Variants in ARHGEF28 observed in about 807,000 individuals in gnomAD.
ARHGEF28 encodes the protein Rho guanine nucleotide exchange factor 28.
A neutral mutation model predicts 206.6 loss-of-function variants in ARHGEF28; 152 were observed. The ratio of observed to expected loss-of-function variants is 0.74; its 90% CI spans 0.64 to 0.84. The LOEUF (loss-of-function observed/expected upper bound fraction) is 0.84. ARHGEF28 is among the 40% of genes least tolerant of loss of function. The probability of loss-of-function intolerance (pLI) is 0.00; values close to 1 mark genes in which losing one functional copy is unlikely to be tolerated. For synonymous variants in ARHGEF28, 763 were observed against 776.4 expected (o/e 0.98, Z 0.29); for missense variants, 2,028 against 2,073.2 (o/e 0.98, Z 0.42).
At chr5:73,852,135 C>A (rs1284545754) in intron 13 of ARHGEF28, among the ~76,000 whole-genome samples, 1 of 152,168 alleles carries the variant, frequency 6.6e-6, no homozygotes, top group South Asian at 2.1e-4. Context: ...AATGGTCCTC[C>A]CTTTCCCATG....
chr5:73,675,848 CATTTTCTAACTATGTAGTCTTATGCA>C (rs377411899), intron 1 of ARHGEF28, among the ~76,000 whole-genome samples: 27,285 of 151,120 alleles, frequency 0.18, 2,866 homozygotes, highest in Non-Finnish European at 0.24. Flanking sequence ...ATTTGAACAC[CATTTTCTAACTATGTAGTCTTATGCA>C]ATTTTCTAAC....
rs1009778839 is a variant in ARHGEF28, at chr5:73,813,812, T to C, written c.1024+18421T>C. 58 of 830,714 alleles carry C rather than the reference T, an allele frequency of 7.0e-5. No individual in the cohort carries two copies. In the African/African-American group the frequency reaches 8.3e-4, roughly 12 times the overall value. 51.5% of individuals were successfully genotyped at this position (830,714 alleles called of 1,614,324 possible). On this transcript the variant is annotated intron_variant, in intron 9 of 35. Transcript: ENST00000513042. ...CTTTATAAAACACTCACTGTACAGA[T>C]ACATATAGGTTTCTGAGGCAAACCT...
chr5:73,857,566 CACACACACACACACACACACAT>C, intron 14 of ARHGEF28, 68 bp from the exon 15 acceptor site: 3 of 173,136 alleles, frequency 1.7e-5, no homozygotes, highest in Non-Finnish European at 2.7e-5. Flanking sequence ...TATATGTGTA[CACACACACACACACACACACAT>C]ACACACACAC....
chr5:73,787,409 T>A (rs7707234), intron 7 of ARHGEF28, among the ~76,000 whole-genome samples: 9,511 of 152,278 alleles, frequency 0.062, 487 homozygotes, highest in African/African-American at 0.14. Context: ...ATCATTATTA[T>A]TAAGTTCTGG....
At chr5:73,854,724 C>T (rs936595006) in intron 14 of ARHGEF28, among the ~76,000 whole-genome samples, 40 of 151,870 alleles carry the variant, frequency 2.6e-4, no homozygotes, top group African/African-American at 9.7e-4. Context: ...CACAGCTACT[C>T]AGGAGGCTGA....
chr5:73,934,260 GAAT>G (rs1319999359), intron 35 of ARHGEF28, among the ~76,000 whole-genome samples: 3 of 152,118 alleles, frequency 2.0e-5, no homozygotes. Flanking sequence ...TGGTAACTGG[GAAT>G]ACAGATTTGA....
At position 73,909,532 on chromosome 5, in the gene ARHGEF28, C is replaced by G; in HGVS notation, c.4282C>G (p.Arg1428Gly). The G allele has an allele frequency of 3.1e-6, 5 of 1,595,980 alleles. No homozygotes were observed. The highest frequency in any genetic ancestry group is 2.3e-5 in the East Asian group (1 of 44,042). The change falls in exon 34 of 36, where the codon CGC becomes GGC. Residue 1428 changes from arginine to glycine, a missense_variant. By Grantham distance (125) the Arg-to-Gly change is moderately radical. Transcript: ENST00000513042. The stretch of plus-strand genomic sequence containing the variant: ...CGGCCCCTTGCAGGACCAGAAGTCT[C>G]GCGACGCGGACAGGCAGCATGAGGA... ...RGGPLQDQKS[R>G]DADRQHEELA...
intron 1 of ARHGEF28, among the ~76,000 whole-genome samples, chr5:73,680,910 C>T (rs1747049316): frequency 6.6e-6 from 1 of 151,788 alleles, no homozygotes; most frequent in Admixed American, 6.6e-5. Context: ...GCCATGTTGC[C>T]CAGGCTGGTC....
chr5:73,727,984 A>G (rs55979113), intron 2 of ARHGEF28, among the ~76,000 whole-genome samples: 2,316 of 152,204 alleles, frequency 0.015, 56 homozygotes, highest in African/African-American at 0.053. Flanking sequence ...TTCCACGTCA[A>G]TGCTATTTAT....
intron 7 of ARHGEF28, among the ~76,000 whole-genome samples, chr5:73,788,064 A>G (rs1050345572): frequency 6.6e-6 from 1 of 152,188 alleles, no homozygotes; most frequent in Non-Finnish European, 1.5e-5. Context: ...CCTAGATGCA[A>G]CACATTTGGC....
intron 13 of ARHGEF28, among the ~76,000 whole-genome samples, chr5:73,850,702 A>G (rs1758645143): frequency 6.6e-6 from 1 of 152,194 alleles, no homozygotes; most frequent in Non-Finnish European, 1.5e-5. Flanking sequence ...TCACAAGGGA[A>G]AATAGCCCTA....
At chr5:73,661,546 C>A (rs1037300917) in intron 1 of ARHGEF28, among the ~76,000 whole-genome samples, 5 of 152,122 alleles carry the variant, frequency 3.3e-5, no homozygotes, top group Admixed American at 2.0e-4. Flanking sequence ...ATGTGCCTTT[C>A]TCACTAAGCT....
intron 2 of ARHGEF28, among the ~76,000 whole-genome samples, chr5:73,710,894 G>A (rs1234962435): frequency 1.3e-5 from 2 of 152,106 alleles, no homozygotes; most frequent in South Asian, 2.1e-4. Flanking sequence ...AGTAGAGACA[G>A]GGTTTTATCA....
Position 73,846,495 on chromosome 5 carries a change from T to C in ARHGEF28, c.1635+20T>C. The C allele has an allele frequency of 6.2e-7, 1 of 1,601,436 alleles. No individual in the cohort carries two copies. The highest frequency in any genetic ancestry group is 1.3e-5 in the African/African-American group (1 of 74,732). On this transcript the variant is annotated intron_variant, in intron 12 of 35. Transcript: ENST00000513042. Reference sequence around the variant, plus strand: ...TCGAAGGTATTCTTATTGCTATTAATTTGGTATATTGCAAGTGTGGAGAAT... The same window carrying C: ...TCGAAGGTATTCTTATTGCTATTAACTTGGTATATTGCAAGTGTGGAGAAT...
intron 7 of ARHGEF28, among the ~76,000 whole-genome samples, chr5:73,783,807 T>C (rs542615838): frequency 1.3e-5 from 2 of 152,082 alleles, no homozygotes; most frequent in African/African-American, 4.8e-5. Context: ...CAAGTTGAAT[T>C]TGACAGGTGT....
chr5:73,692,556 C>G lies in ARHGEF28; in HGVS notation c.33+7672C>G, dbSNP rs145997062. On this transcript the variant is annotated intron_variant, in intron 2 of 35. Transcript: ENST00000513042. ...CCCAAGAATGTTGGTTGCTGCTGGG[C>G]TCATTGTGGGTGTTGAAGGTATAAT... Among the ~76,000 whole-genome samples the G allele has an allele frequency of 3.6e-3, 545 of 152,262 alleles. 3 individuals carry two copies. The highest frequency in any genetic ancestry group is 0.012 in the African/African-American group (510 of 41,532).
chr5:73,809,741 A>G (rs1311044425), intron 9 of ARHGEF28, among the ~76,000 whole-genome samples: 1 of 152,226 alleles, frequency 6.6e-6, no homozygotes, highest in African/African-American at 2.4e-5. Context: ...ATCTTCTCTG[A>G]ATAATTATAA....
rs148487032 is a variant in ARHGEF28, at chr5:73,771,417, G to A, written c.476-2438G>A. On this transcript the variant is annotated intron_variant, in intron 4 of 35. Transcript: ENST00000513042. ...ACAAAAATTAGCTGGGGGTGATGGC[G>A]CGCACCTGTAATCCTAGCTACTCAG... Among the ~76,000 whole-genome samples the A allele has an allele frequency of 5.5e-3, 831 of 152,076 alleles. 4 individuals are homozygous for A. The highest frequency in any genetic ancestry group is 8.8e-3 in the Non-Finnish European group (599 of 67,992).
chr5:73,875,794 C>T (rs1277494976), intron 22 of ARHGEF28, among the ~76,000 whole-genome samples: 1 of 152,088 alleles, frequency 6.6e-6, no homozygotes, highest in Admixed American at 6.5e-5. Flanking sequence ...TGTTTTGGTA[C>T]CAGTACCATG....
Sources: allele counts gnomAD v4.1 joint callset (sites outside exome capture counted in the v4.1 genomes callset), GRCh38; gene constraint gnomAD v4.1.1; transcripts MANE v1.5; gene names NCBI Gene and HGNC (gene_info 2026-07-23, HGNC 2026-07-21).